Variants in TEX11 observed in about 807,000 individuals in gnomAD.
TEX11 encodes the protein testis expressed 11, also known as testis-expressed protein 11.
A neutral mutation model predicts 84.4 loss-of-function variants in TEX11; 7 were observed. The observed-to-expected ratio is 0.08, with a 90% CI of 0.05 to 0.16. The LOEUF is 0.16. Ranked by LOEUF, TEX11 falls within the 10% of genes least tolerant of loss-of-function variation. The pLI is 1.00. For synonymous variants in TEX11, 264 were observed against 222.8 expected (o/e 1.18, Z -1.64); for missense variants, 551 against 660.5 (o/e 0.83, Z 1.82).
At chrX:70,586,532 C>T (rs1367914863) in intron 25 of TEX11, among the ~76,000 whole-genome samples, 2 of 111,636 alleles carry the variant, frequency 1.8e-5, no homozygotes, top group Non-Finnish European at 3.8e-5. Context: ...CCTTTCCCTC[C>T]CTCAAAGATG....
intron 13 of TEX11, among the ~76,000 whole-genome samples, chrX:70,708,805 G>A (rs1422461809): frequency 9.1e-6 from 1 of 109,901 alleles, no homozygotes; most frequent in African/African-American, 3.3e-5. Context: ...AGGGGGGAGA[G>A]GTGAAGGGCA....
At chrX:70,826,474 T>C (rs991517177) in intron 8 of TEX11, among the ~76,000 whole-genome samples, 15 of 111,568 alleles carry the variant, frequency 1.3e-4, no homozygotes, top group Non-Finnish European at 2.4e-4. Context: ...GTACCCGGTT[T>C]TAACTACATA....
intron 25 of TEX11, among the ~76,000 whole-genome samples, chrX:70,569,143 C>G (rs1298504401): frequency 9.0e-6 from 1 of 111,628 alleles, no homozygotes; most frequent in Non-Finnish European, 1.9e-5. Flanking sequence ...CTTCTTGCTT[C>G]ATTTCATTCA....
At chrX:70,853,473 T>C (rs2091519875) in intron 5 of TEX11, 145 bp from the exon 6 acceptor site, 1 of 452,110 alleles carries the variant, frequency 2.2e-6, no homozygotes, top group Admixed American at 4.1e-5. Flanking sequence ...TAGCATTTGT[T>C]AGAGTTCTGT....
rs1209218633 is a variant in TEX11, at chrX:70,843,353, G to T, written c.525+9681C>A. The stretch of plus-strand genomic sequence containing the variant: ...GACAAACCTGACAAAAACAAGCAAT[G>T]GGGAAAGGATTCCCTATTTAATAAA... On this transcript the variant is annotated intron_variant, in intron 7 of 29. Coordinates refer to ENST00000374333, the MANE Select transcript of TEX11 (RefSeq NM_031276.3). 3.4e-4 allele frequency among the ~76,000 whole-genome samples: 38 copies of T among 111,641 alleles called. No individual in the cohort carries two copies. The East Asian group carries it at 5.6e-3, about 16-fold the overall frequency.
intron 20 of TEX11, among the ~76,000 whole-genome samples, chrX:70,622,449 T>C (rs771209387): frequency 2.7e-5 from 3 of 112,130 alleles, no homozygotes; most frequent in Non-Finnish European, 5.6e-5. Flanking sequence ...GGTTTGACTG[T>C]ATGCCACAAT....
intron 24 of TEX11, among the ~76,000 whole-genome samples, chrX:70,599,589 A>G (rs1372285372): frequency 1.5e-4 from 16 of 109,420 alleles, no homozygotes; most frequent in Admixed American, 3.9e-4. Flanking sequence ...TTACATATGT[A>G]TACATGTGCC....
At chrX:70,624,096 T>C in intron 19 of TEX11, 90 bp from the exon 20 acceptor site, 1 of 633,941 alleles carries the variant, frequency 1.6e-6, no homozygotes, top group Non-Finnish European at 2.4e-6. Context: ...CCTTGATTAC[T>C]CTGGGAGGGA....
chrX:70,862,450 AG>A (rs943954515), intron 4 of TEX11, among the ~76,000 whole-genome samples: 8 of 111,729 alleles, frequency 7.2e-5, no homozygotes, highest in Non-Finnish European at 9.4e-5. Context: ...CGGAAATTAC[AG>A]GGTAATTGAA....
intron 25 of TEX11, among the ~76,000 whole-genome samples, chrX:70,575,777 C>T (rs2088665395): frequency 8.9e-6 from 1 of 111,878 alleles, no homozygotes; most frequent in South Asian, 3.7e-4. Flanking sequence ...GAGATAATCC[C>T]CAAACTAACA....
At chrX:70,713,007 T>C (rs1187028513) in intron 13 of TEX11, among the ~76,000 whole-genome samples, 1 of 111,952 alleles carries the variant, frequency 8.9e-6, no homozygotes, top group Admixed American at 9.5e-5. Flanking sequence ...TGAAGAGTTG[T>C]TGAATTTTGT....
At chrX:70,775,400 C>G (rs2090995011) in intron 9 of TEX11, among the ~76,000 whole-genome samples, 1 of 110,898 alleles carries the variant, frequency 9.0e-6, no homozygotes, top group Non-Finnish European at 1.9e-5. Flanking sequence ...AAAGAGACAA[C>G]CTGTTGAATA....
chrX:70,777,860 G>A (rs2091012297), intron 9 of TEX11, among the ~76,000 whole-genome samples: 1 of 110,827 alleles, frequency 9.0e-6, no homozygotes, highest in Admixed American at 9.6e-5. Flanking sequence ...AAACATTCAG[G>A]AAACAACTAA....
At chrX:70,528,402 C>T (rs1241728959), downstream of TEX11, among the ~76,000 whole-genome samples, 1 of 111,558 alleles carries the variant, frequency 9.0e-6, no homozygotes, top group Non-Finnish European at 1.9e-5. Flanking sequence ...ACTGCAACCT[C>T]TGTCTCCTGG....
At chrX:70,722,203 C>T (rs2090564651) in intron 13 of TEX11, among the ~76,000 whole-genome samples, 1 of 111,975 alleles carries the variant, frequency 8.9e-6, no homozygotes, top group Non-Finnish European at 1.9e-5. Flanking sequence ...TCTGTAATGT[C>T]CAATAAGGCA....
intron 17 of TEX11, among the ~76,000 whole-genome samples, chrX:70,644,947 A>G (rs1430208206): frequency 3.6e-5 from 4 of 110,193 alleles, no homozygotes; most frequent in Non-Finnish European, 7.6e-5. Context: ...AAAGATAAAT[A>G]AAATAAAAAA....
At chrX:70,529,779 C>A (rs768740239) in intron 29 of TEX11, 56 bp downstream of exon 29, 3 of 1,123,844 alleles carry the variant, frequency 2.7e-6, no homozygotes, top group Non-Finnish European at 3.6e-6. Flanking sequence ...GAGAGCCCAG[C>A]CATAACCTCT....
chrX:70,757,787 T>C (rs1057448122), intron 9 of TEX11, among the ~76,000 whole-genome samples: 4 of 111,877 alleles, frequency 3.6e-5, no homozygotes, highest in African/African-American at 1.3e-4. Context: ...ACCTTAAATG[T>C]AAATGAGCTG....
intron 7 of TEX11, among the ~76,000 whole-genome samples, chrX:70,843,877 G>A (rs1295285230): frequency 9.0e-6 from 1 of 111,710 alleles, no homozygotes; most frequent in Non-Finnish European, 1.9e-5. Flanking sequence ...ATCATCACTG[G>A]CCATCAGAGA....
Sources: allele counts gnomAD v4.1 joint callset (sites outside exome capture counted in the v4.1 genomes callset), GRCh38; gene constraint gnomAD v4.1.1; transcripts MANE v1.5; gene names NCBI Gene and HGNC (gene_info 2026-07-23, HGNC 2026-07-21).